AGBL4: variants seen among roughly 807,000 people sequenced by gnomAD.
The protein encoded by AGBL4 is AGBL carboxypeptidase 4.
AGBL4 carries 58 observed loss-of-function variants against 66.4 expected under a neutral mutation model. That is an observed-to-expected ratio of 0.87 (90% CI 0.71 to 1.09). AGBL4 has a LOEUF of 1.09. Ranked by LOEUF, AGBL4 falls within the 50% of genes least tolerant of loss-of-function variation. The pLI is 0.00. For synonymous variants in AGBL4, 234 were observed against 222.9 expected (o/e 1.05, Z -0.44); for missense variants, 579 against 631.0 (o/e 0.92, Z 0.88).
intron 2 of AGBL4, among the ~76,000 whole-genome samples, chr1:49,770,117 C>T (rs904480915): frequency 6.6e-6 from 1 of 152,038 alleles, no homozygotes; most frequent in Non-Finnish European, 1.5e-5. Flanking sequence ...GGGCGGATCA[C>T]GAGGTCAGGA....
intron 3 of AGBL4, among the ~76,000 whole-genome samples, chr1:49,643,426 A>G (rs540676900): frequency 9.2e-5 from 14 of 151,912 alleles, no homozygotes; most frequent in African/African-American, 2.9e-4. Context: ...ATTTTAAAGA[A>G]CAATAGCTGA....
chr1:48,648,854 T>A (rs1363180039), intron 8 of AGBL4, among the ~76,000 whole-genome samples: 1 of 152,190 alleles, frequency 6.6e-6, no homozygotes, highest in Non-Finnish European at 1.5e-5. Flanking sequence ...AGTGTTCCTG[T>A]CACAACAACA....
chr1:49,410,873 T>A (rs916077953), intron 3 of AGBL4, among the ~76,000 whole-genome samples: 2 of 152,174 alleles, frequency 1.3e-5, no homozygotes, highest in African/African-American at 2.4e-5. Context: ...ACTGCACTTA[T>A]CAAATGCTTA....
chr1:49,599,572 A>C (rs1225992034), intron 3 of AGBL4, among the ~76,000 whole-genome samples: 1 of 151,956 alleles, frequency 6.6e-6, no homozygotes, highest in African/African-American at 2.4e-5. Context: ...CCAGCTTTTA[A>C]TTCATTGATT....
chr1:49,305,851 C>T (rs919967280), intron 3 of AGBL4, among the ~76,000 whole-genome samples: 3 of 152,024 alleles, frequency 2.0e-5, no homozygotes, highest in Non-Finnish European at 4.4e-5. Flanking sequence ...CCACCACGCC[C>T]GGCTAATTTT....
chr1:49,640,985 C>A (rs1645770135), intron 3 of AGBL4, among the ~76,000 whole-genome samples: 2 of 152,090 alleles, frequency 1.3e-5, no homozygotes, highest in Non-Finnish European at 2.9e-5. Flanking sequence ...GTGCTCACTA[C>A]CTGGGTGATG....
At chr1:49,050,540 C>T (rs1158464400) in intron 4 of AGBL4, among the ~76,000 whole-genome samples, 1 of 152,040 alleles carries the variant, frequency 6.6e-6, no homozygotes, top group Non-Finnish European at 1.5e-5. Context: ...ATACATTGTA[C>T]TCTCTCTAGT....
At chr1:49,712,220 T>C (rs1353876440) in intron 2 of AGBL4, among the ~76,000 whole-genome samples, 2 of 151,934 alleles carry the variant, frequency 1.3e-5, no homozygotes, top group African/African-American at 4.8e-5. Flanking sequence ...TCATCCATGT[T>C]GTTCCAAAGG....
intron 4 of AGBL4, among the ~76,000 whole-genome samples, chr1:49,146,851 A>G (rs898508032): frequency 6.6e-6 from 1 of 152,228 alleles, no homozygotes; most frequent in East Asian, 1.9e-4. Flanking sequence ...AGCCAACCCA[A>G]ACATCTGATT....
intron 6 of AGBL4, among the ~76,000 whole-genome samples, chr1:48,846,406 A>C (rs973300101): frequency 3.3e-5 from 5 of 151,570 alleles, no homozygotes; most frequent in African/African-American, 1.2e-4. Flanking sequence ...AGAAAGAAAG[A>C]AAGAAAGAAA....
intron 9 of AGBL4, among the ~76,000 whole-genome samples, chr1:48,612,440 G>A (rs536362529): frequency 6.6e-6 from 1 of 152,194 alleles, no homozygotes; most frequent in Non-Finnish European, 1.5e-5. Context: ...TCCTGAAGAA[G>A]TGCTGTCTAC....
At chr1:49,438,536 A>G (rs1480805960) in intron 3 of AGBL4, among the ~76,000 whole-genome samples, 3 of 152,184 alleles carry the variant, frequency 2.0e-5, no homozygotes, top group Non-Finnish European at 4.4e-5. Flanking sequence ...TAAATAGAGA[A>G]CAACAGAAAA....
chr1:49,093,647 C>T (rs1645038919), intron 4 of AGBL4, among the ~76,000 whole-genome samples: 3 of 152,102 alleles, frequency 2.0e-5, no homozygotes, highest in African/African-American at 7.2e-5. Flanking sequence ...TTGACTGTTA[C>T]AGCAAATGAA....
At chr1:48,771,748 T>C (rs1366834030) in intron 6 of AGBL4, among the ~76,000 whole-genome samples, 1 of 152,196 alleles carries the variant, frequency 6.6e-6, no homozygotes, top group Non-Finnish European at 1.5e-5. Context: ...TTTGTAGAAG[T>C]TCCAAAGCAT....
At chr1:49,668,141 A>G (rs2124514833) in intron 3 of AGBL4, among the ~76,000 whole-genome samples, 1 of 152,294 alleles carries the variant, frequency 6.6e-6, no homozygotes, top group South Asian at 2.1e-4. Flanking sequence ...AGGTCACCCA[A>G]TTATTATAGG....
intron 3 of AGBL4, among the ~76,000 whole-genome samples, chr1:49,464,833 G>T (rs1008611313): frequency 6.6e-6 from 1 of 151,602 alleles, no homozygotes; most frequent in Non-Finnish European, 1.5e-5. Flanking sequence ...AACATGGGAG[G>T]AAGGCTGTGG....
At chr1:49,815,035 CTT>C (rs1645198217) in intron 2 of AGBL4, among the ~76,000 whole-genome samples, 1 of 152,126 alleles carries the variant, frequency 6.6e-6, no homozygotes. Context: ...CAATTATACT[CTT>C]TTAGTTATTT....
chr1:49,329,884 TTATA>T lies in AGBL4; in HGVS notation c.283-84024_283-84021del, dbSNP rs894727663. On this transcript the variant is annotated intron_variant, in intron 3 of 13. Transcript: ENST00000371839. The stretch of plus-strand genomic sequence containing the variant: ...TCTACATAATATCACAAGGTCTGTC[TTATA>T]TATATTTACTTGAGAACATATGTAT... 3.4e-4 allele frequency among the ~76,000 whole-genome samples: 52 copies of T among 152,272 alleles called. 1 individual carries two copies. Among genetic ancestry groups the T allele is most frequent in the African/African-American group, 1.2e-3 (50 of 41,548 alleles).
intron 2 of AGBL4, among the ~76,000 whole-genome samples, chr1:49,769,270 C>A (rs967035367): frequency 6.6e-6 from 1 of 151,774 alleles, no homozygotes; most frequent in African/African-American, 2.4e-5. Context: ...ATACATTTAA[C>A]CAAGATGGTG....
Sources: gnomAD v4.1 joint callset for allele counts (sites outside exome capture counted in the v4.1 genomes callset) on GRCh38, gnomAD v4.1.1 for gene constraint, MANE v1.5 for transcripts, NCBI Gene and HGNC (gene_info 2026-07-23, HGNC 2026-07-21) for gene names.